PKP4: variants seen among roughly 807,000 people sequenced by gnomAD.
PKP4 encodes the protein plakophilin-4.
Under a neutral mutation model 145.1 loss-of-function variants are expected in PKP4, and 90 were observed. The ratio of observed to expected loss-of-function variants is 0.62; its 90% CI spans 0.52 to 0.74. The LOEUF is 0.74. Ranked by LOEUF, PKP4 falls within the 30% of genes least tolerant of loss-of-function variation. The pLI is 0.00. For missense variants in PKP4, 1,340 were observed against 1,482.7 expected (o/e 0.90, Z 1.58); for synonymous variants, 563 against 577.2 (o/e 0.98, Z 0.35).
intron 1 of PKP4, among the ~76,000 whole-genome samples, chr2:158,465,808 A>G (rs1051384474): frequency 6.6e-6 from 1 of 152,214 alleles, no homozygotes; most frequent in African/African-American, 2.4e-5. Context: ...TAAAAAAGGC[A>G]CTGACTAAGG....
chr2:158,522,619 G>C (rs1390107640), intron 1 of PKP4, among the ~76,000 whole-genome samples: 1 of 152,144 alleles, frequency 6.6e-6, no homozygotes, highest in Non-Finnish European at 1.5e-5. Flanking sequence ...AGACCTGGAG[G>C]GGGAGGAGCC....
chr2:158,675,530 A>G (rs1275987046), intron 19 of PKP4, among the ~76,000 whole-genome samples: 2 of 152,146 alleles, frequency 1.3e-5, no homozygotes, highest in East Asian at 1.9e-4. Context: ...TCAAATTCCT[A>G]GGTGCCTTTT....
chr2:158,617,076 T>C (rs573653791), intron 4 of PKP4, among the ~76,000 whole-genome samples: 42 of 152,324 alleles, frequency 2.8e-4, no homozygotes, highest in African/African-American at 8.9e-4. Context: ...GTATTTTCTA[T>C]AGATGCAATG....
intron 1 of PKP4, among the ~76,000 whole-genome samples, chr2:158,484,799 A>G (rs908357054): frequency 6.6e-6 from 1 of 152,234 alleles, no homozygotes; most frequent in Admixed American, 6.5e-5. Context: ...AGAAGATTGC[A>G]TGGTTCTGTA....
At chr2:158,505,882 A>G (rs752387447) in intron 1 of PKP4, among the ~76,000 whole-genome samples, 24 of 151,966 alleles carry the variant, frequency 1.6e-4, no homozygotes, top group Admixed American at 7.9e-4. Flanking sequence ...AAATGTGCCC[A>G]CCTTTCCACC....
chr2:158,663,634 A>G (rs2056815833), intron 15 of PKP4, among the ~76,000 whole-genome samples, 189 bp downstream of exon 15: 1 of 152,218 alleles, frequency 6.6e-6, no homozygotes, highest in African/African-American at 2.4e-5. Context: ...ACAAAGATAA[A>G]TACAAGTCCC....
In PKP4 at chr2:158,457,050, G is replaced by C. The variant is rs1474964423; in HGVS notation, c.-174G>C. 6.6e-6 allele frequency: 1 copy of C among 150,676 alleles called. No individual in the cohort carries two copies. The highest frequency in any genetic ancestry group is 1.5e-5 in the Non-Finnish European group (1 of 67,336). The allele number at this position is 150,676 out of a possible 1,614,324, so 9.3% of individuals were successfully genotyped here. A position where few individuals can be genotyped will look rare whatever the true frequency, so the allele number is the denominator to read the frequency against. On this transcript the variant is annotated 5_prime_UTR_variant, in exon 1 of 22. Transcript: ENST00000389759. ...GGGCAAGTTGGCCACCGCCGCCGCC[G>C]GGGGTGGTGGGAGAGCCGCTCCGGG...
chr2:158,503,016 G>C (rs372610334), intron 1 of PKP4, among the ~76,000 whole-genome samples: 4 of 152,198 alleles, frequency 2.6e-5, no homozygotes, highest in South Asian at 4.1e-4. Context: ...ACCTCTCTTA[G>C]CTTTGCTATC....
chr2:158,638,296 T>G (rs1331861156), intron 9 of PKP4, among the ~76,000 whole-genome samples: 2 of 152,210 alleles, frequency 1.3e-5, no homozygotes, highest in Non-Finnish European at 2.9e-5. Context: ...TATAAAATAT[T>G]TTAGTATTCA....
chr2:158,474,061 C>T (rs1425334099), intron 1 of PKP4, among the ~76,000 whole-genome samples: 1 of 152,074 alleles, frequency 6.6e-6, no homozygotes. Flanking sequence ...TTTTAATTCC[C>T]AAAGTAAAAC....
intron 1 of PKP4, among the ~76,000 whole-genome samples, chr2:158,509,567 A>T (rs1031261838): frequency 6.6e-6 from 1 of 152,242 alleles, no homozygotes; most frequent in South Asian, 2.1e-4. Flanking sequence ...AGCTTTCTAG[A>T]TTATTGGTGG....
chr2:158,573,478 G>C (rs992190707), intron 2 of PKP4, among the ~76,000 whole-genome samples: 5 of 152,142 alleles, frequency 3.3e-5, no homozygotes, highest in African/African-American at 9.7e-5. Flanking sequence ...AAATAAAATT[G>C]TAATATTTTA....
At position 158,631,918 on chromosome 2, in the gene PKP4, C is replaced by T. The variant is rs754177549; in HGVS notation, c.1319C>T (p.Thr440Met). Reference protein sequence around the residue: ...HGTVELQGSQTALYRTGSVGI... With the variant: ...HGTVELQGSQMALYRTGSVGI... The stretch of plus-strand genomic sequence containing the variant: ...ACTGTGGAGCTCCAAGGATCGCAGA[C>T]GGCGTTGTATCGCACAGGTTCAGGT... The change falls in exon 8 of 22, where the codon ACG becomes ATG. Residue 440 changes from threonine (T) to methionine (M), a missense_variant. Thr to Met is a moderately conservative substitution (Grantham distance 81, BLOSUM62 -1). Coordinates refer to ENST00000389759, the MANE Select transcript of PKP4 (RefSeq NM_003628.6). The T allele has an allele frequency of 4.7e-5, 76 of 1,613,770 alleles. No individual in the cohort carries two copies. The highest frequency in any genetic ancestry group is 5.9e-5 in the Non-Finnish European group (70 of 1,180,000).
chr2:158,494,149 G>A (rs528274668), intron 1 of PKP4, among the ~76,000 whole-genome samples: 2 of 152,124 alleles, frequency 1.3e-5, no homozygotes, highest in African/African-American at 4.8e-5. Context: ...CTGCTTATTC[G>A]ACTTCAACTA....
At chr2:158,581,196 C>T (rs1461435486) in intron 3 of PKP4, among the ~76,000 whole-genome samples, 2 of 152,192 alleles carry the variant, frequency 1.3e-5, no homozygotes, top group Non-Finnish European at 2.9e-5. Flanking sequence ...CTCTTAGACC[C>T]AGGCCCCCTT....
chr2:158,659,421 A>G (rs1465191231), intron 12 of PKP4: 1 of 152,256 alleles, frequency 6.6e-6, no homozygotes, highest in Non-Finnish European at 1.5e-5. Context: ...GGATAGAAAC[A>G]TTTGGTGAAT....
At chr2:158,594,050 T>A (rs749926910) in intron 3 of PKP4, among the ~76,000 whole-genome samples, 1 of 152,216 alleles carries the variant, frequency 6.6e-6, no homozygotes, top group African/African-American at 2.4e-5. Flanking sequence ...GAGGGAAATA[T>A]GAGTCTGACT....
intron 2 of PKP4, chr2:158,549,163 T>C (rs1373646295): frequency 5.1e-5 from 10 of 196,778 alleles, no homozygotes; most frequent in Admixed American, 4.2e-4. Context: ...TCCAAGTCTG[T>C]GGCTTGCTTT....
intron 17 of PKP4, among the ~76,000 whole-genome samples, chr2:158,671,746 A>G (rs2057577830): frequency 6.6e-6 from 1 of 152,242 alleles, no homozygotes; most frequent in African/African-American, 2.4e-5. Flanking sequence ...GACGCAGACA[A>G]GGTGCCAAAC....
Sources: allele counts gnomAD v4.1 joint callset (sites outside exome capture counted in the v4.1 genomes callset), GRCh38; gene constraint gnomAD v4.1.1; transcripts MANE v1.5; gene names NCBI Gene and HGNC (gene_info 2026-07-23, HGNC 2026-07-21).